Variants in COL6A6 observed in about 807,000 individuals in gnomAD.
COL6A6 encodes collagen alpha-6(VI) chain.
A neutral mutation model predicts 208.6 loss-of-function variants in COL6A6; 183 were observed. That is an observed-to-expected ratio of 0.88 (90% CI 0.78 to 0.99). The LOEUF is 0.99. COL6A6 is among the 50% of genes least tolerant of loss of function. The probability of loss-of-function intolerance (pLI) is 0.00; values close to 1 mark genes in which losing one functional copy is unlikely to be tolerated. For missense variants in COL6A6, 2,816 were observed against 2,815.2 expected, an observed-to-expected ratio of 1.00 and a Z score of -0.01; for synonymous variants, 973 against 1,011.8, an observed-to-expected ratio of 0.96 and a Z score of 0.73.
At chr3:130,644,691 G>A (rs575002264) in intron 31 of COL6A6, among the ~76,000 whole-genome samples, 1 of 152,202 alleles carries the variant, frequency 6.6e-6, no homozygotes, top group East Asian at 1.9e-4. Flanking sequence ...CAAATTCAGC[G>A]CACCTCCCTG....
chr3:130,622,885 G>A (rs2064777222), intron 24 of COL6A6, among the ~76,000 whole-genome samples: 1 of 151,706 alleles, frequency 6.6e-6, no homozygotes, highest in Non-Finnish European at 1.5e-5. Context: ...ACTTTAAGCA[G>A]GACTTAGAAG....
intron 36 of COL6A6, among the ~76,000 whole-genome samples, chr3:130,670,697 T>C (rs2066191078): frequency 6.6e-6 from 1 of 152,212 alleles, no homozygotes; most frequent in Admixed American, 6.5e-5. Context: ...ACGCTGCATT[T>C]ATCTTTTGCC....
intron 33 of COL6A6, among the ~76,000 whole-genome samples, chr3:130,651,820 A>C (rs1047178967): frequency 6.6e-6 from 1 of 152,224 alleles, no homozygotes; most frequent in Non-Finnish European, 1.5e-5. Context: ...TTAAACTGAC[A>C]CAATTCCACT....
intron 8 of COL6A6, among the ~76,000 whole-genome samples, chr3:130,577,429 G>C (rs193065877): frequency 6.6e-6 from 1 of 152,286 alleles, no homozygotes; most frequent in East Asian, 1.9e-4. Flanking sequence ...TAAGTGTTGT[G>C]CTTCACCAAT....
chr3:130,571,203 C>G lies in COL6A6; in HGVS notation c.2787C>G (p.Leu929=), dbSNP rs1438128883. The G allele has an allele frequency of 1.2e-6, 2 of 1,613,682 alleles. No individual in the cohort carries two copies. The highest frequency in any genetic ancestry group is 3.3e-5 in the Admixed American group (2 of 60,020). Residue 929 remains leucine, a synonymous_variant, in exon 7 of 37, where the codon CTC becomes CTG. Transcript: ENST00000358511. ...TDGESHDADK[L]NATAKALRDK... is the part of the protein sequence containing the mutation. ...GGGAATCCCATGATGCTGATAAACT[C>G]AATGCCACGGCAAAGGCCTTGCGGG...
rs774358598 is a variant in COL6A6 at position 130,652,118 on chromosome 3, C to T, written c.5733+2556C>T. Among the ~76,000 whole-genome samples the T allele has an allele frequency of 4.6e-5, 7 of 152,082 alleles. No individual in the cohort carries two copies. The South Asian group carries it at 6.2e-4, about 14-fold the overall frequency. On this transcript the variant is annotated intron_variant, in intron 33 of 36. Transcript: ENST00000358511. ...ATTTTTCCTAATTTATGATGTGTGG[C>T]GATAGGAACAGTAACTGCTGATCTT... is the stretch of plus-strand genomic sequence containing the variant.
intron 5 of COL6A6, among the ~76,000 whole-genome samples, chr3:130,567,796 G>A (rs2063064435): frequency 6.6e-6 from 1 of 152,096 alleles, no homozygotes; most frequent in Non-Finnish European, 1.5e-5. Context: ...ACACAGACTT[G>A]GCACAGTAAA....
chr3:130,628,981 A>G (rs930967788), intron 26 of COL6A6, among the ~76,000 whole-genome samples: 2,201 of 65,758 alleles, frequency 0.033, 13 homozygotes, highest in African/African-American at 0.12. Flanking sequence ...ACTCTAAAAC[A>G]CAGAGCGCCT....
chr3:130,589,611 C>T lies in COL6A6; in HGVS notation c.4218+429C>T, dbSNP rs930163681. ...GAAAACCAGGCTAGATCAGATCACT[C>T]TCTTATAGCAAAAGATGTTAAGATG... On this transcript the variant is annotated intron_variant, in intron 12 of 36. Coordinates refer to ENST00000358511, the MANE Select transcript of COL6A6 (RefSeq NM_001102608.3). 2.0e-5 allele frequency among the ~76,000 whole-genome samples: 3 copies of T among 152,186 alleles called. No homozygotes were observed. In the East Asian group the frequency reaches 5.8e-4, roughly 29 times the overall value.
chr3:130,594,678 T>C (rs1000519300), intron 18 of COL6A6, among the ~76,000 whole-genome samples: 2 of 152,180 alleles, frequency 1.3e-5, no homozygotes, highest in Non-Finnish European at 2.9e-5. Context: ...AAGAAAGCCA[T>C]GTCTTTTTTT....
chr3:130,537,851 A>G (rs907489275), intron 1 of COL6A6, among the ~76,000 whole-genome samples: 2 of 152,176 alleles, frequency 1.3e-5, no homozygotes, highest in African/African-American at 2.4e-5. Flanking sequence ...GCCCTTTTGT[A>G]TCTTGGTCAA....
intron 8 of COL6A6, among the ~76,000 whole-genome samples, chr3:130,577,398 A>C (rs72992293): frequency 6.6e-6 from 1 of 152,184 alleles, no homozygotes; most frequent in Non-Finnish European, 1.5e-5. Context: ...TCTGATATTG[A>C]CATTATAAAG....
intron 1 of COL6A6, among the ~76,000 whole-genome samples, chr3:130,556,689 T>A (rs1160189096): frequency 2.0e-5 from 3 of 152,216 alleles, no homozygotes; most frequent in African/African-American, 7.2e-5. Flanking sequence ...ATTTATTCTT[T>A]TTTTCTAATT....
chr3:130,657,326 T>C (rs2065819184), intron 33 of COL6A6, among the ~76,000 whole-genome samples: 1 of 152,234 alleles, frequency 6.6e-6, no homozygotes, highest in Non-Finnish European at 1.5e-5. Context: ...ATCATGGCAG[T>C]GGCCACTCCA....
chr3:130,653,232 AAT>A (rs1448554921), intron 33 of COL6A6, among the ~76,000 whole-genome samples: 2 of 152,196 alleles, frequency 1.3e-5, no homozygotes, highest in African/African-American at 4.8e-5. Flanking sequence ...TTTGATAAGA[AAT>A]ATGTCTTTTA....
chr3:130,670,056 C>T (rs1402390357), intron 36 of COL6A6, among the ~76,000 whole-genome samples: 3 of 152,250 alleles, frequency 2.0e-5, no homozygotes, highest in African/African-American at 4.8e-5. Context: ...GCTCTGTCAC[C>T]TCTGAGAAGC....
intron 1 of COL6A6, among the ~76,000 whole-genome samples, chr3:130,554,909 A>G (rs1008801342): frequency 5.9e-5 from 9 of 152,096 alleles, no homozygotes; most frequent in Non-Finnish European, 8.8e-5. Context: ...CATAGGAGCT[A>G]TGACGTGGGC....
chr3:130,517,125 C>G (rs1461133446), upstream of COL6A6, among the ~76,000 whole-genome samples: 1 of 152,114 alleles, frequency 6.6e-6, no homozygotes, highest in East Asian at 1.9e-4. Flanking sequence ...GGGGAAGGGT[C>G]GGGCCCGGGG....
chr3:130,596,536 GATAA>G (rs1388523849), intron 18 of COL6A6, among the ~76,000 whole-genome samples: 2 of 152,144 alleles, frequency 1.3e-5, no homozygotes, highest in Non-Finnish European at 2.9e-5. Flanking sequence ...AAAAATTGGG[GATAA>G]ATAAATAGAA....
Sources: allele counts gnomAD v4.1 joint callset (sites outside exome capture counted in the v4.1 genomes callset), GRCh38; gene constraint gnomAD v4.1.1; transcripts MANE v1.5; gene names NCBI Gene and HGNC (gene_info 2026-07-23, HGNC 2026-07-21).